TMIGD3: variants seen among roughly 807,000 people sequenced by gnomAD.
The protein encoded by TMIGD3 is AD026 protein (AD026).
In TMIGD3, 21 loss-of-function variants were observed where a neutral mutation model predicts 28.1. The observed-to-expected ratio is 0.75, with a 90% CI of 0.53 to 1.08. TMIGD3 has a LOEUF of 1.08. TMIGD3 is among the 50% of genes least tolerant of loss of function. The probability of loss-of-function intolerance (pLI) is 0.00; values close to 1 mark genes in which losing one functional copy is unlikely to be tolerated. For missense variants in TMIGD3, 416 were observed against 435.6 expected (o/e 0.96, Z 0.40); for synonymous variants, 151 against 162.1 (o/e 0.93, Z 0.52).
upstream of TMIGD3, chr1:111,504,746 C>T (rs1655418950): frequency 2.1e-6 from 1 of 468,142 alleles, no homozygotes. Flanking sequence ...AGGGAGACGC[C>T]TCTGCCTGGG....
intron 1 of TMIGD3, among the ~76,000 whole-genome samples, chr1:111,538,635 A>G (rs1351168371): frequency 6.6e-6 from 1 of 152,228 alleles, no homozygotes; most frequent in Admixed American, 6.5e-5. Flanking sequence ...CTACAAAACA[A>G]TCGCAACATC....
chr1:111,485,893 T>C (rs72695203), intron 4 of TMIGD3, 53 bp from the exon 5 acceptor site: 79,788 of 1,408,096 alleles, frequency 0.057, 2,613 homozygotes, highest in Non-Finnish European at 0.065. Context: ...TGCCTATTGA[T>C]TCTCAGCTCT....
chr1:111,552,403 G>C, intron 1 of TMIGD3, among the ~76,000 whole-genome samples: 1 of 151,986 alleles, frequency 6.6e-6, no homozygotes, highest in East Asian at 1.9e-4. Context: ...TCCTGAATAC[G>C]TGTTCCCTGA....
intron 3 of TMIGD3, among the ~76,000 whole-genome samples, chr1:111,488,020 G>T (rs1451320657): frequency 2.0e-5 from 3 of 152,066 alleles, no homozygotes; most frequent in Admixed American, 6.5e-5. Flanking sequence ...GCCCAGGCTG[G>T]TCTTAAACTC....
At chr1:111,505,124 CAAAAAA>C (rs754473063), upstream of TMIGD3, 29 of 103,372 alleles carry the variant, frequency 2.8e-4, no homozygotes, top group African/African-American at 5.7e-4. Flanking sequence ...AGCACTCTGC[CAAAAAA>C]AAAAAAAAAA....
chr1:111,514,092 A>C (rs1655781887), intron 1 of TMIGD3, among the ~76,000 whole-genome samples: 1 of 152,192 alleles, frequency 6.6e-6, no homozygotes. Flanking sequence ...CAGTGTCTTG[A>C]CCAAATGAAG....
intron 5 of TMIGD3, 200 bp downstream of exon 5, chr1:111,485,539 TC>T (rs1206485276): frequency 2.0e-6 from 1 of 499,630 alleles, no homozygotes; most frequent in African/African-American, 2.0e-5. Context: ...TTAAGAAAGC[TC>T]CAGTGCTCCC....
upstream of TMIGD3, chr1:111,503,982 G>A (rs1271947529): frequency 1.0e-6 from 1 of 985,318 alleles, no homozygotes; most frequent in Non-Finnish European, 1.2e-6. Flanking sequence ...ATGATAAGGA[G>A]GCAAACGGGA....
chr1:111,551,852 G>A (rs1407585769), intron 1 of TMIGD3, among the ~76,000 whole-genome samples: 1 of 151,806 alleles, frequency 6.6e-6, no homozygotes, highest in African/African-American at 2.4e-5. Flanking sequence ...TTTACAGTTC[G>A]GCCTTGGCCT....
At chr1:111,560,880 C>T (rs1378036302) in intron 1 of TMIGD3, among the ~76,000 whole-genome samples, 1 of 152,192 alleles carries the variant, frequency 6.6e-6, no homozygotes, top group East Asian at 1.9e-4. Context: ...CCAGGCCTTT[C>T]CTCTTGCTTC....
chr1:111,529,522 G>T (rs576136752), intron 1 of TMIGD3, among the ~76,000 whole-genome samples: 5 of 149,248 alleles, frequency 3.4e-5, no homozygotes, highest in African/African-American at 1.2e-4. Context: ...GCGGCCTTCC[G>T]CAGTGTTTGT....
At chr1:111,499,406 C>T (rs1303203940) in intron 1 of TMIGD3, 1 of 988,622 alleles carries the variant, frequency 1.0e-6, no homozygotes, top group African/African-American at 1.7e-5. Context: ...CCCAAGTTAC[C>T]CCAGCAAAGA....
At chr1:111,500,457 G>A (rs1035307783) in intron 1 of TMIGD3, 4 of 1,614,208 alleles carry the variant, frequency 2.5e-6, no homozygotes, top group East Asian at 2.2e-5. Flanking sequence ...TCAGTTTCAT[G>A]TTCCAGCCAA....
In TMIGD3 at chr1:111,485,244, C is replaced by A. The variant is rs186888405; in HGVS notation, c.973+496G>T. 9.8e-5 allele frequency: 15 copies of A among 152,532 alleles called. No homozygotes were observed. The East Asian group carries it at 2.9e-3, about 29-fold the overall frequency. 9.4% of individuals were successfully genotyped at this position (152,532 alleles called of 1,614,324 possible). ...GGCATGGTGGCAGGCGCCTGTGGGC[C>A]CAGCTACTTGAGAGGCTGAGGTGAG... is the stretch of plus-strand genomic sequence containing the variant. On this transcript the variant is annotated intron_variant, in intron 5 of 5. Coordinates refer to ENST00000369716, the MANE Select transcript of TMIGD3 (RefSeq NM_020683.7).
intron 1 of TMIGD3, chr1:111,499,749 G>A: frequency 7.1e-7 from 1 of 1,406,480 alleles, no homozygotes; most frequent in Non-Finnish European, 9.2e-7. Context: ...CTGAATTAGA[G>A]AGAAAGGACA....
intron 1 of TMIGD3, among the ~76,000 whole-genome samples, chr1:111,522,209 G>A (rs1447522043): frequency 6.6e-6 from 1 of 152,126 alleles, no homozygotes; most frequent in Non-Finnish European, 1.5e-5. Flanking sequence ...CTCCAACTTG[G>A]TTCTTTTTCA....
At chr1:111,490,612 G>A (rs763069420) in intron 2 of TMIGD3, 44 bp downstream of exon 2, 9 of 1,468,612 alleles carry the variant, frequency 6.1e-6, no homozygotes, top group Non-Finnish European at 7.6e-6. Flanking sequence ...TCTCTGGAAA[G>A]GCCACAGCTT....
At chr1:111,505,124 CAAAAAAAAAA>C (rs754473063), upstream of TMIGD3, 334 of 103,288 alleles carry the variant, frequency 3.2e-3, no homozygotes, top group South Asian at 8.1e-3. Flanking sequence ...AGCACTCTGC[CAAAAAAAAAA>C]AAAAAAAAAA....
intron 1 of TMIGD3, among the ~76,000 whole-genome samples, chr1:111,546,591 T>C (rs1657042257): frequency 6.6e-6 from 1 of 152,190 alleles, no homozygotes; most frequent in Middle Eastern, 3.2e-3. Flanking sequence ...TTGTAGCATG[T>C]GTCAGAATTT....
Sources: allele counts gnomAD v4.1 joint callset (sites outside exome capture counted in the v4.1 genomes callset), GRCh38; gene constraint gnomAD v4.1.1; transcripts MANE v1.5; gene names NCBI Gene and HGNC (gene_info 2026-07-23, HGNC 2026-07-21).